Variants in CDC42BPA observed in about 807,000 individuals in gnomAD.
CDC42BPA encodes serine/threonine-protein kinase MRCK alpha.
Under a neutral mutation model 223.5 loss-of-function variants are expected in CDC42BPA, and 80 were observed. That is an observed-to-expected ratio of 0.36 (90% CI 0.30 to 0.43). CDC42BPA has a LOEUF of 0.43. Among genes scored for constraint, CDC42BPA ranks in the 20% least tolerant of loss-of-function variants. CDC42BPA has a pLI of 1.00. For missense variants in CDC42BPA, 1,743 were observed against 2,099.9 expected (o/e 0.83, Z 3.32); for synonymous variants, 694 against 718.6 (o/e 0.97, Z 0.55).
chr1:227,276,045 G>A (rs1027601111), intron 1 of CDC42BPA, among the ~76,000 whole-genome samples: 41 of 152,222 alleles, frequency 2.7e-4, no homozygotes, highest in African/African-American at 9.1e-4. Flanking sequence ...AGTGAGGAGC[G>A]TCTCTGCCTG....
intron 5 of CDC42BPA, among the ~76,000 whole-genome samples, chr1:227,185,627 G>C (rs1415708023): frequency 1.3e-5 from 2 of 152,140 alleles, no homozygotes. Flanking sequence ...GTGGGGTTCT[G>C]TCTCTTGGCT....
At chr1:227,109,927 A>G (rs512538) in intron 14 of CDC42BPA, among the ~76,000 whole-genome samples, 10,515 of 152,040 alleles carry the variant, frequency 0.069, 558 homozygotes, top group East Asian at 0.25. Context: ...CTAATGTGAT[A>G]TAAATGCTAT....
chr1:227,209,935 C>A (rs924193558), intron 3 of CDC42BPA, among the ~76,000 whole-genome samples: 2 of 149,568 alleles, frequency 1.3e-5, no homozygotes, highest in South Asian at 4.3e-4. Context: ...AGGAATGGTA[C>A]CAGTTCCTCC....
chr1:227,220,680 T>C (rs1218096695), intron 2 of CDC42BPA, among the ~76,000 whole-genome samples: 5 of 150,886 alleles, frequency 3.3e-5, no homozygotes, highest in African/African-American at 1.2e-4. Flanking sequence ...TTGCGCTTCA[T>C]ACCTCTTTTC....
intron 30 of CDC42BPA, among the ~76,000 whole-genome samples, chr1:227,027,217 C>G (rs1468931740): frequency 6.6e-6 from 1 of 152,148 alleles, no homozygotes; most frequent in East Asian, 1.9e-4. Flanking sequence ...TCGTTCATCC[C>G]AGGATGGAGG....
intron 19 of CDC42BPA, among the ~76,000 whole-genome samples, chr1:227,073,575 T>G (rs1251731599): frequency 6.6e-6 from 1 of 152,104 alleles, no homozygotes; most frequent in Admixed American, 6.6e-5. Context: ...ATTTTAGGTT[T>G]AATAAAATTT....
intron 2 of CDC42BPA, among the ~76,000 whole-genome samples, chr1:227,253,364 G>A (rs764651329): frequency 6.6e-6 from 1 of 152,202 alleles, no homozygotes; most frequent in African/African-American, 2.4e-5. Context: ...AGGAGGACAA[G>A]GTGGGCAGAT....
rs1382188856 is a variant in CDC42BPA, at chr1:227,078,076, T to G, written c.2480+2817A>C. 3.9e-5 allele frequency among the ~76,000 whole-genome samples: 6 copies of G among 152,314 alleles called. No homozygotes were observed. In the East Asian group the frequency reaches 9.6e-4, roughly 24 times the overall value. ...AGGTAAAATTCTTACCTAGTATTCA[T>G]GACAACTGTGTTGCAGTAACTTTAT... On this transcript the variant is annotated intron_variant, in intron 17 of 36. Coordinates refer to ENST00000366766, the MANE Select transcript of CDC42BPA (RefSeq NM_001394014.1).
In CDC42BPA at chr1:227,224,048, G is replaced by C. The variant is rs557306717; in HGVS notation, c.271-10829C>G. ...ATTTTTAATTTACAGTGGGTTCACT[G>C]GGACATAACACTTTCAAAAGACAGG... is the stretch of plus-strand genomic sequence containing the variant. On this transcript the variant is annotated intron_variant, in intron 2 of 36. Transcript: ENST00000366766. Among the ~76,000 whole-genome samples, 11 of 152,256 alleles carry C rather than the reference G, an allele frequency of 7.2e-5. No homozygotes were observed. In the South Asian group the frequency reaches 2.3e-3, roughly 32 times the overall value.
At chr1:227,258,379 C>T (rs1185568875) in intron 1 of CDC42BPA, among the ~76,000 whole-genome samples, 1 of 150,634 alleles carries the variant, frequency 6.6e-6, no homozygotes, top group Non-Finnish European at 1.5e-5. Flanking sequence ...AGAGCTGACA[C>T]TTCAGGTAAA....
intron 1 of CDC42BPA, among the ~76,000 whole-genome samples, chr1:227,289,215 G>T (rs936639068): frequency 6.6e-6 from 1 of 151,962 alleles, no homozygotes; most frequent in Non-Finnish European, 1.5e-5. Context: ...ACTCTGCACT[G>T]GCTTTAACCC....
intron 21 of CDC42BPA, among the ~76,000 whole-genome samples, chr1:227,057,037 C>T (rs1674723522): frequency 6.6e-6 from 1 of 152,052 alleles, no homozygotes; most frequent in African/African-American, 2.4e-5. Context: ...AATATCTAGT[C>T]TGGAGAATTT....
chr1:227,062,830 TAA>T (rs200922598), intron 21 of CDC42BPA, among the ~76,000 whole-genome samples: 1 of 138,590 alleles, frequency 7.2e-6, no homozygotes. Flanking sequence ...ATGTTTAACA[TAA>T]AAAAAAAAAA....
intron 2 of CDC42BPA, among the ~76,000 whole-genome samples, chr1:227,222,322 A>G (rs1676069935): frequency 6.6e-6 from 1 of 152,096 alleles, no homozygotes; most frequent in Non-Finnish European, 1.5e-5. Flanking sequence ...CAGCCTGGCC[A>G]ACTTGATGAA....
chr1:227,063,108 T>C (rs16846908), intron 21 of CDC42BPA, among the ~76,000 whole-genome samples: 23,478 of 152,118 alleles, frequency 0.15, 2,193 homozygotes, highest in African/African-American at 0.25. Flanking sequence ...TTCAATATTG[T>C]TACGTTTTCA....
chr1:227,040,756 A>T (rs1475575232), intron 23 of CDC42BPA, among the ~76,000 whole-genome samples: 4 of 152,224 alleles, frequency 2.6e-5, no homozygotes, highest in Non-Finnish European at 4.4e-5. Context: ...AAGAGGCAGT[A>T]TAACACTTGA....
chr1:227,104,601 T>C (rs984437007), intron 14 of CDC42BPA, among the ~76,000 whole-genome samples: 4 of 152,202 alleles, frequency 2.6e-5, no homozygotes, highest in African/African-American at 4.8e-5. Flanking sequence ...AATTCCTATG[T>C]TGAAGCCCTA....
chr1:227,199,413 C>A, intron 4 of CDC42BPA, 144 bp downstream of exon 4: 4 of 499,042 alleles, frequency 8.0e-6, no homozygotes, highest in South Asian at 3.3e-5. Flanking sequence ...AAAAAAAACA[C>A]CACATATCAA....
intron 6 of CDC42BPA, among the ~76,000 whole-genome samples, chr1:227,158,359 G>C (rs7416327): frequency 0.84 from 128,112 of 152,086 alleles, 54,239 homozygotes; most frequent in Middle Eastern, 0.91. Context: ...CTATCCACAT[G>C]CCCATTTTTG....
Sources: gnomAD v4.1 joint callset for allele counts (sites outside exome capture counted in the v4.1 genomes callset) on GRCh38, gnomAD v4.1.1 for gene constraint, MANE v1.5 for transcripts, NCBI Gene and HGNC (gene_info 2026-07-23, HGNC 2026-07-21) for gene names.